The following SLIT2 variants were observed in gnomAD, a reference collection of about 807,000 sequenced individuals.
SLIT2 encodes slit homolog 2 protein.
Under a neutral mutation model 185.7 loss-of-function variants are expected in SLIT2, and 41 were observed. That is an observed-to-expected ratio of 0.22 (90% CI 0.17 to 0.29). The LOEUF (loss-of-function observed/expected upper bound fraction) is 0.29. SLIT2 is among the 10% of genes least tolerant of loss of function. SLIT2 has a pLI of 1.00. For missense variants in SLIT2, 1,571 were observed against 1,909.0 expected (o/e 0.82, Z 3.30); for synonymous variants, 693 against 680.2 (o/e 1.02, Z -0.29).
intron 26 of SLIT2, chr4:20,554,201 G>C (rs1724034362): frequency 1.7e-6 from 1 of 590,568 alleles, no homozygotes; most frequent in Non-Finnish European, 3.1e-6. Flanking sequence ...TTTCTTGAAA[G>C]TGTATCAAAA....
chr4:20,413,802 A>G (rs1428861999), intron 4 of SLIT2, among the ~76,000 whole-genome samples: 3 of 151,674 alleles, frequency 2.0e-5, no homozygotes, highest in African/African-American at 7.3e-5. Flanking sequence ...TGTGTTTTTG[A>G]ATTTGAAGTT....
Position 20,528,187 on chromosome 4 carries a change from A to C in SLIT2, c.1463-762A>C. 1.9e-6 allele frequency: 1 copy of C among 515,742 alleles called. No individual in the cohort carries two copies. Among genetic ancestry groups the C allele is most frequent in the South Asian group, 1.4e-5 (1 of 69,428 alleles). The allele number at this position is 515,742 out of a possible 1,614,324, so 31.9% of individuals were successfully genotyped here. A position where few individuals can be genotyped will look rare whatever the true frequency, so the allele number is the denominator to read the frequency against. ...CGGGAAGAATGCATGTCATGTAAACAGTATTACGTTTCCAGAACGTCTGTA... is the reference window on the plus strand; with the variant it reads ...CGGGAAGAATGCATGTCATGTAAACCGTATTACGTTTCCAGAACGTCTGTA... On this transcript the variant is annotated intron_variant, in intron 15 of 36. Coordinates refer to ENST00000504154, the MANE Select transcript of SLIT2 (RefSeq NM_004787.4). The surrounding 1 kb of genome is among the most constrained non-coding windows in gnomAD (Gnocchi z 4.2).
At chr4:20,487,943 A>G (rs1717404407) in intron 7 of SLIT2, among the ~76,000 whole-genome samples, 1 of 152,224 alleles carries the variant, frequency 6.6e-6, no homozygotes, top group African/African-American at 2.4e-5. Flanking sequence ...TAAAAGGACT[A>G]AAATGGTATT....
At chr4:20,570,457 T>C (rs1178667935) in intron 29 of SLIT2, among the ~76,000 whole-genome samples, 1 of 151,908 alleles carries the variant, frequency 6.6e-6, no homozygotes, top group East Asian at 1.9e-4. Flanking sequence ...TTGAGCTGCC[T>C]AAGAATTTAA....
intron 4 of SLIT2, among the ~76,000 whole-genome samples, chr4:20,391,236 T>C (rs1257426182): frequency 6.6e-6 from 1 of 152,022 alleles, no homozygotes; most frequent in Non-Finnish European, 1.5e-5. Flanking sequence ...AACCTGATAG[T>C]TTTTAAAAGT....
At chr4:20,374,404 C>T (rs1332895592) in intron 4 of SLIT2, among the ~76,000 whole-genome samples, 1 of 152,060 alleles carries the variant, frequency 6.6e-6, no homozygotes, top group Non-Finnish European at 1.5e-5. Context: ...TTCAGTTTTA[C>T]CCTTACTGCT....
At chr4:20,321,985 G>C (rs1021430857) in intron 4 of SLIT2, among the ~76,000 whole-genome samples, 1 of 149,750 alleles carries the variant, frequency 6.7e-6, no homozygotes, top group Non-Finnish European at 1.5e-5. Flanking sequence ...ATCTGGAGGG[G>C]TGGGGTCCTC....
intron 4 of SLIT2, among the ~76,000 whole-genome samples, chr4:20,307,231 T>TTTCCTTCCTTCC (rs71181557): frequency 0.14 from 7,871 of 57,596 alleles, 856 homozygotes; most frequent in Non-Finnish European, 0.15. Flanking sequence ...CTCTATTTCT[T>TTTCCTTCCTTCC]TTCCTTCCTT....
At chr4:20,534,272 A>C (rs544484707) in intron 18 of SLIT2, among the ~76,000 whole-genome samples, 22 of 152,316 alleles carry the variant, frequency 1.4e-4, no homozygotes, top group South Asian at 8.3e-4. Context: ...GCAAGGTCTC[A>C]GTGTAAAAGA....
At position 20,589,568 on chromosome 4, in the gene SLIT2, A is replaced by G. The variant is rs1203205630; in HGVS notation, c.3089-76A>G. The G allele has an allele frequency of 1.2e-5, 13 of 1,112,644 alleles. No individual in the cohort carries two copies. In the South Asian group the frequency reaches 1.4e-4, roughly 12 times the overall value. 68.9% of individuals were successfully genotyped at this position (1,112,644 alleles called of 1,614,324 possible). ...CAAGCTGCCCTAACCTCTAAGACCC[A>G]TGACAATGACACAGTCTGCTGGCAG... On this transcript the variant is annotated intron_variant, in intron 29 of 36. Coordinates refer to ENST00000504154, the MANE Select transcript of SLIT2 (RefSeq NM_004787.4).
chr4:20,431,260 T>G, intron 4 of SLIT2, among the ~76,000 whole-genome samples: 1 of 152,192 alleles, frequency 6.6e-6, no homozygotes, highest in Non-Finnish European at 1.5e-5. Flanking sequence ...AAAAGTTGAC[T>G]TTACATGTCA....
rs111791287 is a variant in SLIT2, at chr4:20,617,562, G to C, written c.4260G>C (p.Lys1420Asn). The C allele has an allele frequency of 3.1e-6, 5 of 1,613,906 alleles. No homozygotes were observed. The African/African-American group carries it at 6.7e-5, about 22-fold the overall frequency. ...TGTTTAACCCATGCCAGGCGATCAAGTGCAAGCATGGGAAGTGCAGGCTTT... is the reference window on the plus strand; with the variant it reads ...TGTTTAACCCATGCCAGGCGATCAACTGCAAGCATGGGAAGTGCAGGCTTT... ...EDLFNPCQAI[K>N]CKHGKCRLSG... The change falls in exon 36 of 37, where the codon AAG becomes AAC. Residue 1420 changes from lysine to asparagine, a missense_variant. Coordinates refer to ENST00000504154, the MANE Select transcript of SLIT2 (RefSeq NM_004787.4).
chr4:20,519,339 A>G, intron 11 of SLIT2, 43 bp from the exon 12 acceptor site: 1 of 941,592 alleles, frequency 1.1e-6, no homozygotes, highest in Non-Finnish European at 1.7e-6. Flanking sequence ...TTTGTTATGC[A>G]GGTTTGGTGT....
At chr4:20,481,092 A>C (rs2148778757) in intron 6 of SLIT2, among the ~76,000 whole-genome samples, 1 of 147,920 alleles carries the variant, frequency 6.8e-6, no homozygotes, top group East Asian at 1.9e-4. Flanking sequence ...TTATAGGAAA[A>C]ATAACATAAA....
intron 21 of SLIT2, among the ~76,000 whole-genome samples, chr4:20,545,299 A>G (rs991431673): frequency 6.6e-6 from 1 of 152,046 alleles, no homozygotes; most frequent in East Asian, 1.9e-4. Flanking sequence ...GAAGGAGATG[A>G]AATTTATTTT....
At chr4:20,431,205 A>C (rs79843116) in intron 4 of SLIT2, among the ~76,000 whole-genome samples, 1 of 151,950 alleles carries the variant, frequency 6.6e-6, no homozygotes, top group Non-Finnish European at 1.5e-5. Flanking sequence ...TTCTTTTACT[A>C]TCAGAAACAA....
intron 5 of SLIT2, among the ~76,000 whole-genome samples, chr4:20,477,905 A>G (rs1400252424): frequency 3.3e-5 from 5 of 152,214 alleles, no homozygotes; most frequent in Admixed American, 1.3e-4. Flanking sequence ...CACTAAAGGT[A>G]TGGCAGAGAA....
intron 4 of SLIT2, among the ~76,000 whole-genome samples, chr4:20,430,437 A>C (rs904778792): frequency 3.9e-5 from 6 of 152,056 alleles, no homozygotes; most frequent in African/African-American, 1.4e-4. Flanking sequence ...AGGCAGATGC[A>C]CTCTCTACTG....
chr4:20,503,312 A>G (rs545506377), intron 9 of SLIT2, among the ~76,000 whole-genome samples: 1 of 152,300 alleles, frequency 6.6e-6, no homozygotes, highest in African/African-American at 2.4e-5. Context: ...ATTGAATAAT[A>G]CTGTTAAACA....
Sources: allele counts gnomAD v4.1 joint callset (sites outside exome capture counted in the v4.1 genomes callset), GRCh38; gene constraint gnomAD v4.1.1; non-coding constraint Gnocchi (gnomAD v3.1); transcripts MANE v1.5; gene names NCBI Gene and HGNC (gene_info 2026-07-23, HGNC 2026-07-21).